ZFHX3: variants seen among roughly 807,000 people sequenced by gnomAD.
The protein encoded by ZFHX3 is zinc finger homeobox protein 3.
Under a neutral mutation model 279.1 loss-of-function variants are expected in ZFHX3, and 42 were observed. The observed-to-expected ratio is 0.15, with a 90% CI of 0.12 to 0.19. The LOEUF (loss-of-function observed/expected upper bound fraction) is 0.19. Ranked by LOEUF, ZFHX3 falls within the 10% of genes least tolerant of loss-of-function variation. The probability of loss-of-function intolerance (pLI) is 1.00; values close to 1 mark genes in which losing one functional copy is unlikely to be tolerated. For missense variants in ZFHX3, 4,981 were observed against 4,754.0 expected (o/e 1.05, Z -1.40); for synonymous variants, 2,293 against 1,957.8 (o/e 1.17, Z -4.52).
intron 5 of ZFHX3, among the ~76,000 whole-genome samples, chr16:73,150,083 G>T (rs1966903512): frequency 6.6e-6 from 1 of 152,146 alleles, no homozygotes; most frequent in South Asian, 2.1e-4. Context: ...GAGCTTTTGG[G>T]GGAGTTACAT....
intron 2 of ZFHX3, among the ~76,000 whole-genome samples, chr16:73,538,039 T>A (rs967882949): frequency 2.0e-5 from 3 of 152,214 alleles, no homozygotes; most frequent in Non-Finnish European, 4.4e-5. Context: ...TCTGATTTCT[T>A]TTTTTCTGAG....
Position 72,905,924 on chromosome 16 carries a change from C to A in ZFHX3, c.3217-15962G>T, listed in dbSNP as rs954696474. Reference sequence around the variant, plus strand: ...TGCCAGGGACTGCTGCTGACTGGATCCCCAAGTCATATAACCCACGTGGTT... The same window carrying A: ...TGCCAGGGACTGCTGCTGACTGGATACCCAAGTCATATAACCCACGTGGTT... On this transcript the variant is annotated intron_variant, in intron 3 of 9. Coordinates refer to ENST00000268489, the MANE Select transcript of ZFHX3 (RefSeq NM_006885.4). Among the ~76,000 whole-genome samples, 9 of 152,308 alleles carry A rather than the reference C, an allele frequency of 5.9e-5. No homozygotes were observed. In the South Asian group the frequency reaches 1.9e-3, roughly 32 times the overall value.
rs751779532 is a variant in ZFHX3 at position 72,957,732 on chromosome 16, C to T, written c.2414G>A (p.Arg805Gln). 12 of 1,614,140 alleles carry T rather than the reference C, an allele frequency of 7.4e-6. No homozygotes were observed. Among genetic ancestry groups the T allele is most frequent in the Admixed American group, 1.7e-5 (1 of 60,020 alleles). Residue 805 changes from arginine to glutamine, a missense_variant, in exon 2 of 10, where the codon CGG becomes CAG. Physicochemically the swap from Arg to Gln is conservative, Grantham distance 43 (BLOSUM62 1). This residue lies in a region of ZFHX3 where 1,751 missense variants were observed against 1,770.0 expected (regional missense o/e 0.99). Coordinates refer to ENST00000268489, the MANE Select transcript of ZFHX3 (RefSeq NM_006885.4). ...PTKPKTKPTW[R>Q]CEVCDYETNV... ...GGTCTCATAATCACACACCTCGCAC[C>T]GCCAGGTGGGTTTGGTTTTTGGTTT... is the stretch of plus-strand genomic sequence containing the variant.
intron 3 of ZFHX3, among the ~76,000 whole-genome samples, chr16:73,339,227 C>T (rs2015983137): frequency 6.6e-6 from 1 of 152,156 alleles, no homozygotes; most frequent in Non-Finnish European, 1.5e-5. Flanking sequence ...AGCTTTTCTC[C>T]TGCCCTCCCA....
rs919399292 is a variant in ZFHX3 at position 73,022,025 on chromosome 16, C to G, written c.-50+25727G>C. Reference sequence around the variant, plus strand: ...GCCTTTCTTCACTGTGTCCACCGAACCTGCCAACTACTGCTCACCCCCTGC... The same window carrying G: ...GCCTTTCTTCACTGTGTCCACCGAAGCTGCCAACTACTGCTCACCCCCTGC... On this transcript the variant is annotated intron_variant, in intron 1 of 9. Coordinates refer to ENST00000268489, the MANE Select transcript of ZFHX3 (RefSeq NM_006885.4). 3.3e-5 allele frequency among the ~76,000 whole-genome samples: 5 copies of G among 152,220 alleles called. No individual in the cohort carries two copies. The South Asian group carries it at 8.3e-4, about 25-fold the overall frequency.
At chr16:73,795,107 T>C (rs1959953221) in intron 1 of ZFHX3, among the ~76,000 whole-genome samples, 1 of 152,158 alleles carries the variant, frequency 6.6e-6, no homozygotes, top group South Asian at 2.1e-4. Flanking sequence ...CCTCTCAGTG[T>C]CATGAGCTGC....
At chr16:72,814,288 AAC>A (rs2036542898) in intron 5 of ZFHX3, among the ~76,000 whole-genome samples, 1 of 152,182 alleles carries the variant, frequency 6.6e-6, no homozygotes, top group Non-Finnish European at 1.5e-5. Context: ...GACTAAAAAC[AAC>A]ACCTGTTTTA....
intron 2 of ZFHX3, among the ~76,000 whole-genome samples, chr16:73,469,623 A>ATTT (rs199659909): frequency 6.7e-6 from 1 of 149,500 alleles, no homozygotes; most frequent in East Asian, 2.3e-4. Flanking sequence ...CAATATATAT[A>ATTT]TATATTTTTT....
At chr16:73,657,868 G>A (rs1008752045) in intron 2 of ZFHX3, among the ~76,000 whole-genome samples, 3 of 152,138 alleles carry the variant, frequency 2.0e-5, no homozygotes, top group Admixed American at 2.0e-4. Context: ...CATTTGAGCT[G>A]TTTCCACCTT....
chr16:73,459,000 T>C lies in ZFHX3; in HGVS notation c.-1546-2742A>G, dbSNP rs554125684. 2.0e-5 allele frequency among the ~76,000 whole-genome samples: 3 copies of C among 152,308 alleles called. No homozygotes were observed. The East Asian group carries it at 5.8e-4, about 29-fold the overall frequency. ...GAAACTCTTCCATCTGCTTTTAACG[T>C]CTCACTTTCTATCACACCTATCTGC... On this transcript the variant is annotated intron_variant, in intron 2 of 17. Transcript: ENST00000641206.
In ZFHX3 at chr16:73,129,472, C is replaced by T. The variant is rs930722875; in HGVS notation, c.-897+1496G>A. ...TTTCTCTGAGCCCATGAGACCATTT[C>T]ACAATTTTGAGGTGTAACAGCCTTC... On this transcript the variant is annotated intron_variant, in intron 7 of 17. Coordinates refer to the ZFHX3 transcript ENST00000641206. Among the ~76,000 whole-genome samples the T allele has an allele frequency of 5.3e-5, 8 of 151,824 alleles. No homozygotes were observed. The East Asian group carries it at 1.4e-3, about 26-fold the overall frequency.
At chr16:73,783,468 C>A (rs1959540537) in intron 1 of ZFHX3, among the ~76,000 whole-genome samples, 2 of 152,168 alleles carry the variant, frequency 1.3e-5, no homozygotes, top group African/African-American at 4.8e-5. Flanking sequence ...GGATGACACC[C>A]AGGAAAGAAT....
rs1005231000 is a variant in ZFHX3, at chr16:72,844,116, C to T, written c.3449-14257G>A. Reference sequence around the variant, plus strand: ...TGCTCCCAAATGGCTTGGGGCAGAGCTCATCATCGATATTCTGGATCAGGG... The same window carrying T: ...TGCTCCCAAATGGCTTGGGGCAGAGTTCATCATCGATATTCTGGATCAGGG... On this transcript the variant is annotated intron_variant, in intron 4 of 9. Transcript: ENST00000268489. Among the ~76,000 whole-genome samples, 7 of 152,180 alleles carry T rather than the reference C, an allele frequency of 4.6e-5. No individual in the cohort carries two copies. The East Asian group carries it at 1.3e-3, about 29-fold the overall frequency.
chr16:73,069,018 G>C (rs1442238130), intron 8 of ZFHX3, among the ~76,000 whole-genome samples: 1 of 152,222 alleles, frequency 6.6e-6, no homozygotes, highest in Non-Finnish European at 1.5e-5. Flanking sequence ...TCAGTCCAGT[G>C]GTATGGGCTG....
chr16:73,208,903 A>G (rs1194769690), intron 5 of ZFHX3, among the ~76,000 whole-genome samples: 1 of 152,260 alleles, frequency 6.6e-6, no homozygotes, highest in East Asian at 1.9e-4. Flanking sequence ...GCCACGTGGC[A>G]GTAACTCATC....
intron 5 of ZFHX3, among the ~76,000 whole-genome samples, chr16:72,813,885 T>C (rs139609087): frequency 1.7e-4 from 26 of 152,330 alleles, no homozygotes; most frequent in African/African-American, 6.3e-4. Context: ...CGTTGCAGGT[T>C]TGAGACCTTG....
intron 3 of ZFHX3, among the ~76,000 whole-genome samples, chr16:72,939,560 A>T (rs1289391495): frequency 6.6e-6 from 1 of 152,162 alleles, no homozygotes; most frequent in African/African-American, 2.4e-5. Context: ...GCAAACACCA[A>T]ACCCCGACAT....
intron 3 of ZFHX3, among the ~76,000 whole-genome samples, chr16:73,398,366 C>T (rs369178304): frequency 3.0e-4 from 46 of 152,282 alleles, no homozygotes; most frequent in African/African-American, 1.1e-3. Context: ...TCACCAGTGT[C>T]TAGGATAAAC....
At chr16:73,117,775 C>T (rs999625191) in intron 7 of ZFHX3, among the ~76,000 whole-genome samples, 12 of 152,098 alleles carry the variant, frequency 7.9e-5, no homozygotes, top group Non-Finnish European at 5.9e-5. Context: ...GAGGGTGGAA[C>T]CCTCACAAAT....
Sources: allele counts gnomAD v4.1 joint callset (sites outside exome capture counted in the v4.1 genomes callset), GRCh38; gene constraint gnomAD v4.1.1; regional missense constraint gnomAD v4.1.1; transcripts MANE v1.5; gene names NCBI Gene and HGNC (gene_info 2026-07-23, HGNC 2026-07-21).